Variants in DPYD observed in about 807,000 individuals in gnomAD.
DPYD encodes the protein dihydropyrimidine dehydrogenase [NADP(+)].
DPYD carries 109 observed loss-of-function variants against 116.2 expected under a neutral mutation model. The ratio of observed to expected loss-of-function variants is 0.94; its 90% CI spans 0.80 to 1.10. The LOEUF (loss-of-function observed/expected upper bound fraction) is 1.10. Among genes scored for constraint, DPYD ranks in the 50% least tolerant of loss-of-function variants. The pLI is 0.00. For synonymous variants in DPYD, 440 were observed against 432.0 expected, an observed-to-expected ratio of 1.02 and a Z score of -0.23; for missense variants, 1,302 against 1,254.5, an observed-to-expected ratio of 1.04 and a Z score of -0.57.
chr1:97,523,750 T>C (rs1224545586), intron 12 of DPYD, among the ~76,000 whole-genome samples: 1 of 152,184 alleles, frequency 6.6e-6, no homozygotes, highest in Non-Finnish European at 1.5e-5. Context: ...GTTAATGCTT[T>C]GAAAATTCCA....
At chr1:97,621,476 A>G (rs1268518949) in intron 8 of DPYD, among the ~76,000 whole-genome samples, 2 of 152,164 alleles carry the variant, frequency 1.3e-5, no homozygotes, top group Non-Finnish European at 2.9e-5. Context: ...ATATGTATGT[A>G]TTAGCATTTT....
Position 97,494,779 on chromosome 1 carries a change from T to C in DPYD, c.1740+20947A>G, listed in dbSNP as rs72729953. The stretch of plus-strand genomic sequence containing the variant: ...ACACACACACACACACACACACACA[T>C]ACGCACACACACACATAATTTTAAG... On this transcript the variant is annotated intron_variant, in intron 13 of 22. Transcript: ENST00000370192. 2.9e-3 allele frequency among the ~76,000 whole-genome samples: 299 copies of C among 104,718 alleles called. 2 individuals carry two copies. The highest frequency in any genetic ancestry group is 0.017 in the South Asian group (57 of 3,326). The allele number at this position is 104,718 out of a possible 152,430, so 68.7% of individuals were successfully genotyped here.
intron 10 of DPYD, among the ~76,000 whole-genome samples, chr1:97,577,472 T>C (rs1479897598): frequency 6.6e-6 from 1 of 152,126 alleles, no homozygotes; most frequent in African/African-American, 2.4e-5. Context: ...ACGAGAAACC[T>C]GTTTGGATAA....
chr1:97,405,472 G>A (rs1018898189), intron 14 of DPYD, among the ~76,000 whole-genome samples: 4 of 151,692 alleles, frequency 2.6e-5, no homozygotes, highest in Non-Finnish European at 1.5e-5. Context: ...ATTCTACATT[G>A]GTGAGTTTTT....
In DPYD at chr1:97,370,068, T is replaced by C. The variant is rs536580903; in HGVS notation, c.2058+3493A>G. The stretch of plus-strand genomic sequence containing the variant: ...TTCCAAGTCTTCGCTATGTAAATAG[T>C]GCTGCAATAAACATACGTGTGCATG... On this transcript the variant is annotated intron_variant, in intron 16 of 22. Coordinates refer to ENST00000370192, the MANE Select transcript of DPYD (RefSeq NM_000110.4). Among the ~76,000 whole-genome samples, 3 of 152,288 alleles carry C rather than the reference T, an allele frequency of 2.0e-5. No individual in the cohort carries two copies. In the East Asian group the frequency reaches 5.8e-4, roughly 29 times the overall value.
At chr1:97,418,987 C>G (rs1458427123) in intron 14 of DPYD, among the ~76,000 whole-genome samples, 1 of 152,170 alleles carries the variant, frequency 6.6e-6, no homozygotes, top group Non-Finnish European at 1.5e-5. Context: ...CTTATAACCT[C>G]TAACTGATTT....
At chr1:97,486,350 A>T (rs1678633933) in intron 13 of DPYD, among the ~76,000 whole-genome samples, 1 of 152,166 alleles carries the variant, frequency 6.6e-6, no homozygotes, top group South Asian at 2.1e-4. Flanking sequence ...ACTATACTCC[A>T]TTACGTATGA....
At chr1:97,247,396 C>A (rs1662789783) in intron 18 of DPYD, among the ~76,000 whole-genome samples, 1 of 152,130 alleles carries the variant, frequency 6.6e-6, no homozygotes, top group Non-Finnish European at 1.5e-5. Context: ...CCTCTCTTAA[C>A]ATACCACAAG....
intron 5 of DPYD, among the ~76,000 whole-genome samples, chr1:97,705,379 A>G (rs562007780): frequency 7.4e-4 from 112 of 151,880 alleles, no homozygotes; most frequent in East Asian, 2.5e-3. Flanking sequence ...GAGAACATGC[A>G]GTGTTTGGTT....
chr1:97,652,976 G>A (rs1658676318), intron 8 of DPYD, among the ~76,000 whole-genome samples: 1 of 151,968 alleles, frequency 6.6e-6, no homozygotes, highest in South Asian at 2.1e-4. Context: ...GTGTTATGGT[G>A]GACACCACTT....
chr1:97,896,804 T>C (rs754612523), intron 1 of DPYD, among the ~76,000 whole-genome samples: 2 of 151,880 alleles, frequency 1.3e-5, no homozygotes, highest in African/African-American at 2.4e-5. Flanking sequence ...AATCATACAA[T>C]ATGTTGTTTT....
At chr1:97,798,607 G>T (rs779608206) in intron 3 of DPYD, among the ~76,000 whole-genome samples, 8 of 151,762 alleles carry the variant, frequency 5.3e-5, no homozygotes, top group Admixed American at 2.6e-4. Flanking sequence ...GAAGATATTT[G>T]TCCATGTACG....
chr1:97,796,789 G>A (rs1003555541), intron 3 of DPYD: 8 of 152,090 alleles, frequency 5.3e-5, no homozygotes, highest in Non-Finnish European at 1.0e-4. Context: ...AGTAGCTCAC[G>A]TTACTGTTAT....
At chr1:97,911,604 T>C (rs138523400) in intron 1 of DPYD, among the ~76,000 whole-genome samples, 267 of 152,114 alleles carry the variant, frequency 1.8e-3, no homozygotes, top group African/African-American at 6.3e-3. Flanking sequence ...AAAGAAAATG[T>C]ACACACACAT....
At chr1:97,168,545 A>C (rs1318872445) in intron 20 of DPYD, among the ~76,000 whole-genome samples, 2 of 152,204 alleles carry the variant, frequency 1.3e-5, no homozygotes, top group Non-Finnish European at 2.9e-5. Flanking sequence ...AACATATTAA[A>C]AGAGGACAGT....
intron 21 of DPYD, among the ~76,000 whole-genome samples, chr1:97,087,855 GT>G (rs1302708276): frequency 6.6e-6 from 1 of 152,140 alleles, no homozygotes; most frequent in African/African-American, 2.4e-5. Context: ...GAGTCAAACA[GT>G]TCTCTCTAAT....
chr1:97,740,326 C>A, intron 4 of DPYD, 66 bp downstream of exon 4: 1 of 1,336,660 alleles, frequency 7.5e-7, no homozygotes, highest in East Asian at 2.3e-5. Context: ...TATTCTGTAC[C>A]CACAGATAAT....
intron 16 of DPYD, among the ~76,000 whole-genome samples, chr1:97,341,255 C>T (rs1558041823): frequency 6.6e-6 from 1 of 152,152 alleles, no homozygotes; most frequent in African/African-American, 2.4e-5. Context: ...CTCCCTCTGT[C>T]TCTGTCTCTC....
At chr1:97,562,356 G>A (rs757003801) in intron 11 of DPYD, among the ~76,000 whole-genome samples, 2 of 152,186 alleles carry the variant, frequency 1.3e-5, no homozygotes, top group Non-Finnish European at 2.9e-5. Flanking sequence ...AATACACTTT[G>A]AGGAGGGCTT....
Sources: allele counts gnomAD v4.1 joint callset (sites outside exome capture counted in the v4.1 genomes callset), GRCh38; gene constraint gnomAD v4.1.1; transcripts MANE v1.5; gene names NCBI Gene and HGNC (gene_info 2026-07-23, HGNC 2026-07-21).